The following OR2G6 variants were observed in gnomAD, a reference collection of about 807,000 sequenced individuals.
OR2G6 encodes the protein olfactory receptor family 2 subfamily G member 6, also known as olfactory receptor 2G6.
For synonymous variants in OR2G6, 183 were observed against 155.2 expected (o/e 1.18, Z -1.33); for missense variants, 457 against 391.3 (o/e 1.17, Z -1.42).
intron 1 of OR2G6, among the ~76,000 whole-genome samples, chr1:248,509,231 C>T (rs1269217100): frequency 8.2e-5 from 1 of 12,254 alleles, no homozygotes; most frequent in African/African-American, 5.6e-4. Context: ...ATACTTGATA[C>T]ACGGCACAAG....
chr1:248,526,799 G>A lies in OR2G6; in HGVS notation c.*4202G>A, dbSNP rs1219231299. 1.3e-5 allele frequency: 2 copies of A among 151,960 alleles called. No individual in the cohort carries two copies. The highest frequency in any genetic ancestry group is 2.4e-5 in the African/African-American group (1 of 41,368). The allele number at this position is 151,960 out of a possible 1,614,324, so 9.4% of individuals were successfully genotyped here. A position where few individuals can be genotyped will look rare whatever the true frequency, so the allele number is the denominator to read the frequency against. On this transcript the variant is annotated 3_prime_UTR_variant, in exon 2 of 2. Transcript: ENST00000641804. ...GCTGTGGGCTGCATAAATATCTTTT[G>A]AGAAGTGTCTGTTCATATCTTTCGC...
In OR2G6 at chr1:248,525,136, G is replaced by T. The variant is rs1664368871; in HGVS notation, c.*2539G>T. ...TTTATTAAAAATCTTCCCTATAATT[G>T]AATAACATGAGTAGTTTCTCTTTTT... On this transcript the variant is annotated 3_prime_UTR_variant, in exon 2 of 2. Coordinates refer to ENST00000641804, the MANE Select transcript of OR2G6 (RefSeq NM_001013355.2). The T allele has an allele frequency of 6.6e-6, 1 of 151,784 alleles. No individual in the cohort carries two copies. The highest frequency in any genetic ancestry group is 1.9e-4 in the East Asian group (1 of 5,192). 9.4% of individuals were successfully genotyped at this position (151,784 alleles called of 1,614,324 possible).
In OR2G6 at chr1:248,524,932, C is replaced by T. The variant is rs1194864721; in HGVS notation, c.*2335C>T. On this transcript the variant is annotated 3_prime_UTR_variant, in exon 2 of 2. Coordinates refer to ENST00000641804, the MANE Select transcript of OR2G6 (RefSeq NM_001013355.2). ...GCAACCTAAAAAAACTACTTAACTG[C>T]AGATGAAAATGGGAACACATTTGAA... The T allele has an allele frequency of 6.6e-6, 1 of 152,080 alleles. No individual in the cohort carries two copies. The highest frequency in any genetic ancestry group is 1.5e-5 in the Non-Finnish European group (1 of 67,998). 9.4% of individuals were successfully genotyped at this position (152,080 alleles called of 1,614,324 possible).
chr1:248,520,729 C>A lies in OR2G6; in HGVS notation c.-36-882C>A, dbSNP rs913299175. On this transcript the variant is annotated intron_variant, in intron 1 of 1. Transcript: ENST00000641804. ...TTGTACTAAAATTACAAAAATTAGGCCAGGCACAGTGGCTCACGCCTATAA... is the reference window on the plus strand; with the variant it reads ...TTGTACTAAAATTACAAAAATTAGGACAGGCACAGTGGCTCACGCCTATAA... Among the ~76,000 whole-genome samples, 14 of 151,724 alleles carry A rather than the reference C, an allele frequency of 9.2e-5. No homozygotes were observed. The South Asian group carries it at 2.9e-3, about 32-fold the overall frequency.
chr1:248,521,314 CATATAA>C (rs1200684452), intron 1 of OR2G6, among the ~76,000 whole-genome samples: 25 of 152,012 alleles, frequency 1.6e-4, no homozygotes, highest in Non-Finnish European at 2.8e-4. Context: ...ATCATTTGAA[CATATAA>C]ATATATCGGT....
In OR2G6 at chr1:248,521,995, G is replaced by A. The variant is rs377095325; in HGVS notation, c.349G>A (p.Val117Ile). ...LGSSECILLAVMAYDRYAAVC... is the reference protein window; with the variant it reads ...LGSSECILLAIMAYDRYAAVC... ...CTCGTCTGAGTGTATTCTCTTGGCC[G>A]TCATGGCTTATGACCGCTATGCTGC... is the stretch of plus-strand genomic sequence containing the variant. The change falls in exon 2 of 2, where the codon GTC becomes ATC. Residue 117 changes from valine to isoleucine, a missense_variant. Coordinates refer to ENST00000641804, the MANE Select transcript of OR2G6 (RefSeq NM_001013355.2). The A allele has an allele frequency of 4.8e-5, 77 of 1,614,036 alleles. No individual in the cohort carries two copies. The highest frequency in any genetic ancestry group is 5.8e-5 in the Non-Finnish European group (69 of 1,180,036).
rs377095325 is a variant in OR2G6, at chr1:248,521,995, G to T, written c.349G>T (p.Val117Phe). Residue 117 changes from valine (V) to phenylalanine (F), a missense_variant, in exon 2 of 2, where the codon GTC (valine) becomes TTC (phenylalanine). Transcript: ENST00000641804. ...CTCGTCTGAGTGTATTCTCTTGGCC[G>T]TCATGGCTTATGACCGCTATGCTGC... ...LGSSECILLA[V>F]MAYDRYAAVC... 6.8e-6 allele frequency: 11 copies of T among 1,614,154 alleles called. No individual in the cohort carries two copies. The South Asian group carries it at 1.2e-4, about 18-fold the overall frequency.
rs1335266481 is a variant in OR2G6, at chr1:248,522,616, A to G, written c.*19A>G. The G allele has an allele frequency of 6.6e-7, 1 of 1,517,296 alleles. No homozygotes were observed. Among genetic ancestry groups the G allele is most frequent in the Non-Finnish European group, 9.0e-7 (1 of 1,113,190 alleles). 94.0% of individuals were successfully genotyped at this position (1,517,296 alleles called of 1,614,324 possible). ...GGACTAGGAAACACCTGGAATTCTA[A>G]ACAAGGGAAACACCTCAAGGCAGAG... On this transcript the variant is annotated 3_prime_UTR_variant, in exon 2 of 2. Coordinates refer to ENST00000641804, the MANE Select transcript of OR2G6 (RefSeq NM_001013355.2).
intron 1 of OR2G6, among the ~76,000 whole-genome samples, chr1:248,520,160 AAACT>A (rs768151381): frequency 1.3e-5 from 2 of 152,192 alleles, no homozygotes; most frequent in Non-Finnish European, 2.9e-5. Flanking sequence ...CATTTTCAGC[AAACT>A]AACACAAGAA....
In OR2G6 at chr1:248,522,016, G is replaced by A. The variant is rs755516229; in HGVS notation, c.370G>A (p.Ala124Thr). The change falls in exon 2 of 2, where the codon GCT becomes ACT. Residue 124 changes from alanine (A) to threonine (T), a missense_variant. Physicochemically the swap from Ala to Thr is moderately conservative, Grantham distance 58. Transcript: ENST00000641804. ...GGCCGTCATGGCTTATGACCGCTAT[G>A]CTGCTGTCTGCCGGCCACTGCGCTA... ...LLAVMAYDRYAAVCRPLRYIA... is the reference protein window; with the variant it reads ...LLAVMAYDRYTAVCRPLRYIA... The A allele has an allele frequency of 4.3e-6, 7 of 1,614,180 alleles. No individual in the cohort carries two copies. Among genetic ancestry groups the A allele is most frequent in the Non-Finnish European group, 5.9e-6 (7 of 1,180,038 alleles).
rs1455365474 is a variant in OR2G6, at chr1:248,524,345, C to T, written c.*1748C>T. On this transcript the variant is annotated 3_prime_UTR_variant, in exon 2 of 2. Coordinates refer to ENST00000641804, the MANE Select transcript of OR2G6 (RefSeq NM_001013355.2). Reference sequence around the variant, plus strand: ...GGAAAAGAAGCCTGGTTAAATTTGTCTTCTAGGATATTCTTATGTGATTTT... The same window carrying T: ...GGAAAAGAAGCCTGGTTAAATTTGTTTTCTAGGATATTCTTATGTGATTTT... The T allele has an allele frequency of 2.0e-5, 3 of 152,160 alleles. No individual in the cohort carries two copies. Among genetic ancestry groups the T allele is most frequent in the African/African-American group, 4.8e-5 (2 of 41,446 alleles). The allele number at this position is 152,160 out of a possible 1,614,324, so 9.4% of individuals were successfully genotyped here. A position where few individuals can be genotyped will look rare whatever the true frequency, so the allele number is the denominator to read the frequency against.
rs1310908255 is a variant in OR2G6, at chr1:248,522,846, G to A, written c.*249G>A. 3 of 454,678 alleles carry A rather than the reference G, an allele frequency of 6.6e-6. No homozygotes were observed. The East Asian group carries it at 1.1e-4, about 16-fold the overall frequency. 28.2% of individuals were successfully genotyped at this position (454,678 alleles called of 1,614,324 possible). A position where few individuals can be genotyped will look rare whatever the true frequency, so the allele number is the denominator to read the frequency against. ...GAGAAACACACCAAAGCAGCATGAGGGTTCATCCTCCCAGACATTCCTCTT... is the reference window on the plus strand; with the variant it reads ...GAGAAACACACCAAAGCAGCATGAGAGTTCATCCTCCCAGACATTCCTCTT... On this transcript the variant is annotated 3_prime_UTR_variant, in exon 2 of 2. Coordinates refer to ENST00000641804, the MANE Select transcript of OR2G6 (RefSeq NM_001013355.2).
At position 248,525,811 on chromosome 1, in the gene OR2G6, C is replaced by T. The variant is rs561728537; in HGVS notation, c.*3214C>T. ...CAGGTGGATCATGAGGTCAGGAGTT[C>T]AAGCTCAGCCTGGCCAGCATGGTGA... On this transcript the variant is annotated 3_prime_UTR_variant, in exon 2 of 2. Transcript: ENST00000641804. 3 of 152,026 alleles carry T rather than the reference C, an allele frequency of 2.0e-5. No individual in the cohort carries two copies. Among genetic ancestry groups the T allele is most frequent in the Non-Finnish European group, 4.4e-5 (3 of 68,030 alleles). 9.4% of individuals were successfully genotyped at this position (152,026 alleles called of 1,614,324 possible). A position where few individuals can be genotyped will look rare whatever the true frequency, so the allele number is the denominator to read the frequency against.
intron 1 of OR2G6, among the ~76,000 whole-genome samples, chr1:248,520,293 A>AG: frequency 6.6e-6 from 1 of 152,228 alleles, no homozygotes; most frequent in Middle Eastern, 3.4e-3. Flanking sequence ...GGGGCTAGGA[A>AG]GGAGGGATAG....
At position 248,525,197 on chromosome 1, in the gene OR2G6, T is replaced by C. The variant is rs1288894136; in HGVS notation, c.*2600T>C. The stretch of plus-strand genomic sequence containing the variant: ...CATTGAGCATACTTTTGTTTGTGAA[T>C]GCTTATAATTATGTACTTATAATGT... On this transcript the variant is annotated 3_prime_UTR_variant, in exon 2 of 2. Coordinates refer to ENST00000641804, the MANE Select transcript of OR2G6 (RefSeq NM_001013355.2). The C allele has an allele frequency of 1.3e-5, 2 of 152,192 alleles. No individual in the cohort carries two copies. Among genetic ancestry groups the C allele is most frequent in the Non-Finnish European group, 2.9e-5 (2 of 68,028 alleles). 9.4% of individuals were successfully genotyped at this position (152,192 alleles called of 1,614,324 possible).
Position 248,526,859 on chromosome 1 carries a change from T to C in OR2G6, c.*4262T>C, listed in dbSNP as rs1032362295. On this transcript the variant is annotated 3_prime_UTR_variant, in exon 2 of 2. Transcript: ENST00000641804. ...GATGGGTTTTTTTTTTCTTGTAAAT[T>C]TGTTTGAGTTCTTTGTAGATTCTGG... The C allele has an allele frequency of 1.3e-5, 2 of 152,118 alleles. No individual in the cohort carries two copies. The highest frequency in any genetic ancestry group is 2.9e-5 in the Non-Finnish European group (2 of 68,018). The allele number at this position is 152,118 out of a possible 1,614,324, so 9.4% of individuals were successfully genotyped here.
At position 248,522,398 on chromosome 1, in the gene OR2G6, T is replaced by C. The variant is rs1394029500; in HGVS notation, c.752T>C (p.Phe251Ser). The C allele has an allele frequency of 6.8e-6, 11 of 1,614,220 alleles. No individual in the cohort carries two copies. The highest frequency in any genetic ancestry group is 8.5e-6 in the Non-Finnish European group (10 of 1,180,028). Reference protein sequence around the residue: ...CSSHLVVVIIFYGTIIFMYLQ... With the variant: ...CSSHLVVVIISYGTIIFMYLQ... ...TCTCACCTGGTTGTGGTCATCATTT[T>C]CTATGGGACCATCATATTCATGTAC... The change falls in exon 2 of 2, where the codon TTC becomes TCC. Residue 251 changes from phenylalanine (F) to serine (S), a missense_variant. By Grantham distance (155) the Phe-to-Ser change is radical (BLOSUM62 -2). Transcript: ENST00000641804.
chr1:248,526,517 CCTATACTCA>C lies in OR2G6; in HGVS notation c.*3921_*3929del, dbSNP rs942815495. On this transcript the variant is annotated 3_prime_UTR_variant, in exon 2 of 2. Coordinates refer to ENST00000641804, the MANE Select transcript of OR2G6 (RefSeq NM_001013355.2). ...TGAGCCCCAGTCTTAGGAAATCCTC[CCTATACTCA>C]TGATTTTTACCTTCAGGAGTCTCAA... The C allele has an allele frequency of 1.8e-4, 28 of 152,262 alleles. No homozygotes were observed. Among genetic ancestry groups the C allele is most frequent in the African/African-American group, 6.0e-4 (25 of 41,548 alleles). The allele number at this position is 152,262 out of a possible 1,614,324, so 9.4% of individuals were successfully genotyped here.
chr1:248,521,789 T>G lies in OR2G6; in HGVS notation c.143T>G (p.Val48Gly). The G allele has an allele frequency of 6.2e-7, 1 of 1,614,152 alleles. No individual in the cohort carries two copies. The highest frequency in any genetic ancestry group is 2.2e-5 in the East Asian group (1 of 44,882). ...SLLGNTALIL[V>G]CCLDSRLHTP... ...CTGGGGAACACTGCCCTCATACTAG[T>G]ATGTTGTCTGGACTCCAGACTCCAC... The change falls in exon 2 of 2, where the codon GTA (valine) becomes GGA (glycine). Residue 48 changes from valine (V) to glycine (G), a missense_variant. Physicochemically the swap from Val to Gly is moderately radical, Grantham distance 109. Coordinates refer to ENST00000641804, the MANE Select transcript of OR2G6 (RefSeq NM_001013355.2).
Sources: allele counts gnomAD v4.1 joint callset (sites outside exome capture counted in the v4.1 genomes callset), GRCh38; gene constraint gnomAD v4.1.1; transcripts MANE v1.5; gene names NCBI Gene and HGNC (gene_info 2026-07-23, HGNC 2026-07-21).